TTC23: variants seen among roughly 807,000 people sequenced by gnomAD.
TTC23 encodes tetratricopeptide repeat protein 23.
A neutral mutation model predicts 55.1 loss-of-function variants in TTC23; 58 were observed. That is an observed-to-expected ratio of 1.05 (90% CI 0.85 to 1.31). The LOEUF (loss-of-function observed/expected upper bound fraction) is 1.31. Ranked by LOEUF, TTC23 falls within the 50% of genes most tolerant of loss-of-function variation. TTC23 has a pLI of 0.00. For missense variants in TTC23, 516 were observed against 534.4 expected (o/e 0.97, Z 0.34); for synonymous variants, 203 against 199.9 (o/e 1.02, Z -0.13).
At chr15:99,211,630 A>AG (rs11403121) in intron 8 of TTC23, among the ~76,000 whole-genome samples, 54,753 of 151,972 alleles carry the variant, frequency 0.36, 10,091 homozygotes, top group African/African-American at 0.44. Flanking sequence ...TGATAATTAT[A>AG]TTGCCCTTTT....
Position 99,221,751 on chromosome 15 carries a change from G to C in TTC23, c.294C>G (p.Leu98=), listed in dbSNP as rs763646013. The change falls in exon 6 of 14, where the codon CTC becomes CTG. Residue 98 remains leucine, a synonymous_variant. Transcript: ENST00000394132. ...CTAAGGCGAGCTTACCTTTCAGCTG[G>C]AGGTAGCCTTGAGCCAGATTAACAT... ...EAHVNLAQGY[L]QLKGLSLQAK... The C allele has an allele frequency of 6.2e-7, 1 of 1,614,030 alleles. No homozygotes were observed. Among genetic ancestry groups the C allele is most frequent in the Admixed American group, 1.7e-5 (1 of 60,016 alleles).
intron 8 of TTC23, 78 bp from the exon 9 acceptor site, chr15:99,200,174 G>A: frequency 7.7e-7 from 1 of 1,298,212 alleles, no homozygotes; most frequent in African/African-American, 1.5e-5. Flanking sequence ...TGGTAGTTGG[G>A]ATGTGACTCT....
chr15:99,221,753 G>C lies in TTC23; in HGVS notation c.292C>G (p.Leu98Val), dbSNP rs2077950649. The C allele has an allele frequency of 1.2e-6, 2 of 1,613,920 alleles. No homozygotes were observed. The highest frequency in any genetic ancestry group is 2.2e-5 in the East Asian group (1 of 44,890). The change falls in exon 6 of 14, where the codon CTC (leucine) becomes GTC (valine). Residue 98 changes from leucine to valine, a missense_variant. By Grantham distance (32) the Leu-to-Val change is conservative. Transcript: ENST00000394132. ...AAGGCGAGCTTACCTTTCAGCTGGA[G>C]GTAGCCTTGAGCCAGATTAACATGT... is the stretch of plus-strand genomic sequence containing the variant. ...EAHVNLAQGY[L>V]QLKGLSLQAK...
At chr15:99,208,808 A>G (rs755757520) in intron 8 of TTC23, among the ~76,000 whole-genome samples, 5 of 152,226 alleles carry the variant, frequency 3.3e-5, no homozygotes, top group Non-Finnish European at 7.3e-5. Context: ...TCTACAACTT[A>G]CTTAAAGCAT....
chr15:99,201,390 T>C (rs2151996672), intron 8 of TTC23, among the ~76,000 whole-genome samples: 1 of 152,188 alleles, frequency 6.6e-6, no homozygotes, highest in East Asian at 1.9e-4. Context: ...TAATCCCTCC[T>C]ATGTTGCCCT....
At chr15:99,141,438 T>G (rs1474405259) in intron 12 of TTC23, among the ~76,000 whole-genome samples, 3 of 152,198 alleles carry the variant, frequency 2.0e-5, no homozygotes, top group African/African-American at 7.2e-5. Context: ...TATCTGGGGA[T>G]GGGGTAGGTA....
chr15:99,140,788 A>C (rs891267079), intron 12 of TTC23: 1 of 152,252 alleles, frequency 6.6e-6, no homozygotes. Context: ...ACCAAAATTC[A>C]CCATAAGCAA....
intron 10 of TTC23, among the ~76,000 whole-genome samples, chr15:99,168,106 C>G (rs1011084676): frequency 4.6e-5 from 7 of 152,162 alleles, no homozygotes; most frequent in Non-Finnish European, 1.0e-4. Flanking sequence ...CACAGGAGAC[C>G]CTCTTCATGA....
chr15:99,242,789 C>G (rs544480696), intron 2 of TTC23, among the ~76,000 whole-genome samples: 24 of 152,214 alleles, frequency 1.6e-4, no homozygotes, highest in African/African-American at 5.3e-4. Flanking sequence ...ATTATCCAAT[C>G]ATGATTAAAA....
chr15:99,187,474 C>CCAA (rs2074822293), intron 9 of TTC23, among the ~76,000 whole-genome samples: 1 of 94,538 alleles, frequency 1.1e-5, no homozygotes, highest in Non-Finnish European at 2.0e-5. Context: ...AAAAACAAAA[C>CCAA]AAAAGAAACC....
At chr15:99,234,875 C>T (rs1441668007) in intron 4 of TTC23, 113 bp downstream of exon 4, 1 of 151,874 alleles carries the variant, frequency 6.6e-6, no homozygotes, top group Non-Finnish European at 1.5e-5. Context: ...ATAACTGGAA[C>T]TCTCATACAC....
intron 9 of TTC23, among the ~76,000 whole-genome samples, chr15:99,184,166 G>A (rs2074439272): frequency 1.3e-5 from 2 of 152,222 alleles, no homozygotes; most frequent in Admixed American, 1.3e-4. Context: ...CAGGGACGAA[G>A]CATTCACAGA....
At chr15:99,236,809 C>A (rs2079357517) in intron 3 of TTC23, among the ~76,000 whole-genome samples, 1 of 152,210 alleles carries the variant, frequency 6.6e-6, no homozygotes, top group Admixed American at 6.5e-5. Context: ...TCTTTCATTC[C>A]ATGGATTACC....
At chr15:99,158,506 G>A (rs182070255) in intron 11 of TTC23, 32 of 152,436 alleles carry the variant, frequency 2.1e-4, no homozygotes, top group African/African-American at 7.7e-4. Flanking sequence ...GAAGAGTAAA[G>A]AGGACTTAGG....
chr15:99,143,056 A>AG (rs1191890017), intron 12 of TTC23, among the ~76,000 whole-genome samples: 1 of 152,194 alleles, frequency 6.6e-6, no homozygotes, highest in East Asian at 1.9e-4. Flanking sequence ...AGAGATGCAA[A>AG]GGGGTGTCAG....
intron 5 of TTC23, among the ~76,000 whole-genome samples, chr15:99,227,568 A>G (rs2078561447): frequency 6.6e-6 from 1 of 152,130 alleles, no homozygotes; most frequent in Non-Finnish European, 1.5e-5. Context: ...TCTGCTTATA[A>G]CCTCATGGTA....
At chr15:99,154,096 T>C (rs1273077752) in intron 12 of TTC23, among the ~76,000 whole-genome samples, 1 of 152,138 alleles carries the variant, frequency 6.6e-6, no homozygotes, top group Non-Finnish European at 1.5e-5. Flanking sequence ...GTCAAGGAAT[T>C]TCCCTACAAA....
intron 10 of TTC23, among the ~76,000 whole-genome samples, chr15:99,174,019 T>C (rs1294930427): frequency 6.6e-6 from 1 of 152,234 alleles, no homozygotes; most frequent in Admixed American, 6.5e-5. Context: ...TGATGGTTAG[T>C]GTGGAATGTT....
intron 12 of TTC23, among the ~76,000 whole-genome samples, chr15:99,151,036 C>T (rs114789194): frequency 4.8e-4 from 73 of 152,284 alleles, no homozygotes; most frequent in African/African-American, 1.6e-3. Flanking sequence ...TCTTCACTCC[C>T]GTAGATCCCA....
Sources: gnomAD v4.1 joint callset for allele counts (sites outside exome capture counted in the v4.1 genomes callset) on GRCh38, gnomAD v4.1.1 for gene constraint, MANE v1.5 for transcripts, NCBI Gene and HGNC (gene_info 2026-07-23, HGNC 2026-07-21) for gene names.